Variants in SLC35F1 observed in about 807,000 individuals in gnomAD.
The protein encoded by SLC35F1 is solute carrier family 35 member F1, also known as chromosome 6 open reading frame 169.
In SLC35F1, 14 loss-of-function variants were observed where a neutral mutation model predicts 48.7. That is an observed-to-expected ratio of 0.29 (90% CI 0.19 to 0.45). The LOEUF is 0.45. SLC35F1 is among the 20% of genes least tolerant of loss of function. The pLI, the probability that SLC35F1 is intolerant of heterozygous loss-of-function variation, is 1.00. For synonymous variants in SLC35F1, 190 were observed against 202.2 expected (o/e 0.94, Z 0.51); for missense variants, 404 against 500.0 (o/e 0.81, Z 1.83).
chr6:117,930,827 T>C (rs1283532936), intron 1 of SLC35F1, among the ~76,000 whole-genome samples: 3 of 152,202 alleles, frequency 2.0e-5, no homozygotes, highest in South Asian at 2.1e-4. Flanking sequence ...TTTGAGCAAG[T>C]TAATGAATCT....
chr6:118,220,625 C>A (rs1346675797), intron 2 of SLC35F1, among the ~76,000 whole-genome samples: 5 of 152,160 alleles, frequency 3.3e-5, no homozygotes, highest in Non-Finnish European at 7.4e-5. Context: ...CCAGCCCAGA[C>A]CTACTGAGTG....
intron 2 of SLC35F1, among the ~76,000 whole-genome samples, chr6:118,158,982 A>G (rs907086848): frequency 1.3e-5 from 2 of 152,114 alleles, no homozygotes; most frequent in African/African-American, 4.8e-5. Flanking sequence ...GCACTTTGGG[A>G]GGCCAAGGCG....
chr6:118,025,250 C>A (rs1286642712), intron 1 of SLC35F1, among the ~76,000 whole-genome samples: 1 of 152,060 alleles, frequency 6.6e-6, no homozygotes, highest in East Asian at 1.9e-4. Context: ...GATGATCTTG[C>A]CAGTTTTGAG....
intron 2 of SLC35F1, among the ~76,000 whole-genome samples, chr6:118,189,875 GC>G (rs1324457381): frequency 1.3e-5 from 2 of 152,302 alleles, no homozygotes; most frequent in East Asian, 3.9e-4. Flanking sequence ...GTTGGCATTT[GC>G]CTTATTTGAA....
At chr6:118,040,391 G>C (rs1231802515) in intron 1 of SLC35F1, among the ~76,000 whole-genome samples, 1 of 152,112 alleles carries the variant, frequency 6.6e-6, no homozygotes, top group Admixed American at 6.5e-5. Flanking sequence ...TCTAGAATTT[G>C]TAGGCATAAT....
intron 3 of SLC35F1, among the ~76,000 whole-genome samples, chr6:118,239,024 C>T (rs940790458): frequency 2.6e-5 from 4 of 151,576 alleles, no homozygotes; most frequent in African/African-American, 9.7e-5. Context: ...AGTGTAGCTC[C>T]CATCTCCCAT....
In SLC35F1 at chr6:118,316,392, T is replaced by A. The variant is rs1776438287; in HGVS notation, c.*2140T>A. ...TCTCTCTGCTACCTTTTAAACCAAT[T>A]AAATACCTTTCTCTGAATATTTTGT... On this transcript the variant is annotated 3_prime_UTR_variant, in exon 8 of 8. Coordinates refer to ENST00000360388, the MANE Select transcript of SLC35F1 (RefSeq NM_001029858.4). The A allele has an allele frequency of 6.6e-6, 1 of 152,660 alleles. No individual in the cohort carries two copies. The highest frequency in any genetic ancestry group is 2.4e-5 in the African/African-American group (1 of 41,462). The allele number at this position is 152,660 out of a possible 1,614,324, so 9.5% of individuals were successfully genotyped here.
intron 1 of SLC35F1, among the ~76,000 whole-genome samples, chr6:118,089,365 A>C (rs957963032): frequency 1.3e-5 from 2 of 152,178 alleles, no homozygotes; most frequent in African/African-American, 4.8e-5. Flanking sequence ...ACGTATGCCC[A>C]AAACCTAAAA....
At chr6:118,094,245 T>C (rs544908319) in intron 1 of SLC35F1, among the ~76,000 whole-genome samples, 26 of 152,202 alleles carry the variant, frequency 1.7e-4, no homozygotes, top group African/African-American at 6.3e-4. Context: ...CTGGCACTGA[T>C]CATAGGAGAG....
intron 1 of SLC35F1, among the ~76,000 whole-genome samples, chr6:118,051,015 A>G (rs1435129808): frequency 6.6e-6 from 1 of 152,176 alleles, no homozygotes; most frequent in Non-Finnish European, 1.5e-5. Flanking sequence ...CCCTTCTGCT[A>G]TCAAATAAAG....
intron 1 of SLC35F1, among the ~76,000 whole-genome samples, chr6:118,135,384 A>G (rs1773778818): frequency 6.6e-6 from 1 of 152,236 alleles, no homozygotes. Context: ...CTTGGATTCT[A>G]TATTATGTTT....
intron 1 of SLC35F1, among the ~76,000 whole-genome samples, chr6:118,150,943 C>T (rs1774047633): frequency 6.6e-6 from 1 of 152,108 alleles, no homozygotes; most frequent in African/African-American, 2.4e-5. Flanking sequence ...ACTCTCTGTT[C>T]TCTTGGTTTT....
chr6:117,993,773 T>C (rs1776950131), intron 1 of SLC35F1, among the ~76,000 whole-genome samples: 1 of 152,214 alleles, frequency 6.6e-6, no homozygotes. Flanking sequence ...ATTTTATATT[T>C]ATCCATGACA....
intron 2 of SLC35F1, among the ~76,000 whole-genome samples, chr6:118,208,236 C>T (rs994907926): frequency 6.6e-6 from 1 of 152,184 alleles, no homozygotes; most frequent in Non-Finnish European, 1.5e-5. Flanking sequence ...GGATAAGGCA[C>T]GTCCTATATG....
chr6:117,966,010 A>G (rs35619468), intron 1 of SLC35F1, among the ~76,000 whole-genome samples: 1 of 151,636 alleles, frequency 6.6e-6, no homozygotes, highest in Non-Finnish European at 1.5e-5. Context: ...AAATGGACCA[A>G]TCAGCACTCT....
intron 2 of SLC35F1, among the ~76,000 whole-genome samples, chr6:118,232,344 G>A (rs1775302385): frequency 6.6e-6 from 1 of 152,072 alleles, no homozygotes; most frequent in African/African-American, 2.4e-5. Flanking sequence ...AAGGTCAGGA[G>A]ATTAATACCA....
chr6:118,213,663 T>G (rs1033632160), intron 2 of SLC35F1, among the ~76,000 whole-genome samples: 3 of 152,188 alleles, frequency 2.0e-5, no homozygotes, highest in African/African-American at 7.2e-5. Context: ...ATAGCATGGA[T>G]AACTCACACA....
intron 1 of SLC35F1, among the ~76,000 whole-genome samples, chr6:118,119,920 C>T (rs959320363): frequency 6.6e-6 from 1 of 152,094 alleles, no homozygotes; most frequent in Non-Finnish European, 1.5e-5. Flanking sequence ...AGGCAGATGG[C>T]GTGAAAACAG....
At chr6:118,068,773 A>G (rs1391461288) in intron 1 of SLC35F1, among the ~76,000 whole-genome samples, 1 of 152,182 alleles carries the variant, frequency 6.6e-6, no homozygotes, top group African/African-American at 2.4e-5. Context: ...TCCAAACCTC[A>G]TAACTGTTTT....
Sources: allele counts gnomAD v4.1 joint callset (sites outside exome capture counted in the v4.1 genomes callset), GRCh38; gene constraint gnomAD v4.1.1; transcripts MANE v1.5; gene names NCBI Gene and HGNC (gene_info 2026-07-23, HGNC 2026-07-21).